The following PLXNA4 variants were observed in gnomAD, a reference collection of about 807,000 sequenced individuals.
PLXNA4 encodes the protein plexin-A4.
In PLXNA4, 44 loss-of-function variants were observed where a neutral mutation model predicts 191.8. The ratio of observed to expected loss-of-function variants is 0.23; its 90% confidence interval spans 0.18 to 0.29. The LOEUF (loss-of-function observed/expected upper bound fraction) is 0.29, where lower values mean the gene tolerates loss of function less well. PLXNA4 is among the 10% of genes least tolerant of loss of function. The pLI is 1.00. For synonymous variants in PLXNA4, 1,082 were observed against 1,009.5 expected, an observed-to-expected ratio of 1.07 and a Z score of -1.36; for missense variants, 1,800 against 2,488.8, an observed-to-expected ratio of 0.72 and a Z score of 5.89.
intron 2 of PLXNA4, among the ~76,000 whole-genome samples, chr7:132,587,768 C>A (rs560509124): frequency 6.6e-6 from 1 of 151,998 alleles, no homozygotes; most frequent in South Asian, 2.1e-4. Context: ...TAAACCCTGC[C>A]TCTCCCCACT....
chr7:132,203,892 G>A (rs1280287760), intron 10 of PLXNA4, among the ~76,000 whole-genome samples: 1 of 152,182 alleles, frequency 6.6e-6, no homozygotes, highest in Non-Finnish European at 1.5e-5. Flanking sequence ...CAGGGTAGGT[G>A]GATGCTTTAC....
At chr7:132,161,156 G>C (rs1186430390) in intron 24 of PLXNA4, among the ~76,000 whole-genome samples, 2 of 152,184 alleles carry the variant, frequency 1.3e-5, no homozygotes, top group Non-Finnish European at 2.9e-5. Flanking sequence ...GGCCCTGGTG[G>C]GGCAGCTCAG....
chr7:132,578,041 A>C (rs1417173579), upstream of PLXNA4, among the ~76,000 whole-genome samples: 3 of 152,072 alleles, frequency 2.0e-5, no homozygotes, highest in African/African-American at 7.2e-5. Flanking sequence ...CCTAGACTAC[A>C]TCCAGAACAG....
intron 29 of PLXNA4, among the ~76,000 whole-genome samples, chr7:132,141,264 T>C (rs1437738201): frequency 1.3e-5 from 2 of 152,228 alleles, no homozygotes; most frequent in African/African-American, 2.4e-5. Flanking sequence ...TGCCATCTAC[T>C]GTATGACTTG....
intron 3 of PLXNA4, among the ~76,000 whole-genome samples, chr7:132,441,035 G>GA (rs1317314261): frequency 6.6e-6 from 1 of 152,122 alleles, no homozygotes; most frequent in African/African-American, 2.4e-5. Flanking sequence ...TTTTACATAT[G>GA]AAAAAACCAA....
chr7:132,435,300 G>T (rs972177912), intron 3 of PLXNA4, among the ~76,000 whole-genome samples: 13 of 152,094 alleles, frequency 8.5e-5, no homozygotes, highest in Non-Finnish European at 1.9e-4. Context: ...TAACCAAGGT[G>T]GGGAGGGGGG....
intron 3 of PLXNA4, among the ~76,000 whole-genome samples, chr7:132,334,030 G>C (rs981733319): frequency 2.0e-5 from 3 of 152,098 alleles, no homozygotes; most frequent in African/African-American, 7.2e-5. Flanking sequence ...TATTAAATGT[G>C]TTTAATAATT....
intron 1 of PLXNA4, among the ~76,000 whole-genome samples, chr7:132,527,689 C>T (rs935935552): frequency 1.3e-5 from 2 of 152,160 alleles, no homozygotes; most frequent in African/African-American, 4.8e-5. Context: ...AACCTGTATT[C>T]CCAGCTGAAT....
At position 132,606,428 on chromosome 7, in the gene PLXNA4, G is replaced by A. The variant is rs1370458566; in HGVS notation, c.-87+39500C>T. Among the ~76,000 whole-genome samples the A allele has an allele frequency of 2.0e-5, 3 of 152,294 alleles. No individual in the cohort carries two copies. The East Asian group carries it at 5.8e-4, about 29-fold the overall frequency. ...TTGAGCAGGTTAGGGTAACAAAAGG[G>A]AAACCAACCAAGGTCACTGGGTCAC... On this transcript the variant is annotated intron_variant, in intron 2 of 4. Coordinates refer to the PLXNA4 transcript ENST00000378539.
intron 1 of PLXNA4, among the ~76,000 whole-genome samples, chr7:132,550,127 C>T (rs183600810): frequency 6.6e-6 from 1 of 152,232 alleles, no homozygotes; most frequent in Admixed American, 6.5e-5. Context: ...GTAAGGTTTA[C>T]CCTGAAGGAA....
intron 3 of PLXNA4, among the ~76,000 whole-genome samples, chr7:132,431,445 T>C (rs1327789940): frequency 1.3e-5 from 2 of 152,136 alleles, no homozygotes; most frequent in Admixed American, 1.3e-4. Context: ...TGCAGTCCCA[T>C]GTGGGGACCT....
chr7:132,547,857 C>A (rs1800376641), intron 1 of PLXNA4, among the ~76,000 whole-genome samples: 2 of 152,146 alleles, frequency 1.3e-5, no homozygotes, highest in African/African-American at 4.8e-5. Context: ...TGCAAAAGAG[C>A]CCTGGGGATG....
intron 3 of PLXNA4, among the ~76,000 whole-genome samples, chr7:132,339,395 T>C (rs954426229): frequency 1.3e-5 from 2 of 152,212 alleles, no homozygotes; most frequent in African/African-American, 2.4e-5. Context: ...AAATAAATCT[T>C]GCAACTTAAA....
In PLXNA4 at chr7:132,146,719, C is replaced by A. The variant is rs1175952902; in HGVS notation, c.4865-19G>T. 1.9e-6 allele frequency: 3 copies of A among 1,612,316 alleles called. No individual in the cohort carries two copies. Among genetic ancestry groups the A allele is most frequent in the East Asian group, 2.2e-5 (1 of 44,726 alleles). ...ATGTTTTCTGCCAAGGCAAGGATCA[C>A]CCCCCGACATATGTGAGGCCACACA... On this transcript the variant is annotated intron_variant, in intron 27 of 31. Transcript: ENST00000321063.
At chr7:132,599,682 C>CT (rs1802780593) in intron 2 of PLXNA4, among the ~76,000 whole-genome samples, 1 of 151,848 alleles carries the variant, frequency 6.6e-6, no homozygotes, top group African/African-American at 2.4e-5. Flanking sequence ...AGACTTCTCC[C>CT]CCTTTTTTTT....
chr7:132,348,961 G>C (rs78845586), intron 3 of PLXNA4, among the ~76,000 whole-genome samples: 2 of 152,062 alleles, frequency 1.3e-5, no homozygotes, highest in Non-Finnish European at 2.9e-5. Flanking sequence ...ACTCCTAATG[G>C]GGGCAGCGTC....
At chr7:132,224,888 A>G (rs1798264178) in intron 8 of PLXNA4, among the ~76,000 whole-genome samples, 1 of 152,228 alleles carries the variant, frequency 6.6e-6, no homozygotes, top group Non-Finnish European at 1.5e-5. Flanking sequence ...ATCTCTGGTC[A>G]TGTCAGCTAC....
At chr7:132,186,120 G>C (rs915073712) in intron 15 of PLXNA4, among the ~76,000 whole-genome samples, 4 of 152,214 alleles carry the variant, frequency 2.6e-5, no homozygotes, top group African/African-American at 9.6e-5. Flanking sequence ...TCTCTCTAGA[G>C]AATCTCAGGC....
At chr7:132,188,973 GGAAAGGAAAGGAAAGGAAA>G (rs1796972891) in intron 14 of PLXNA4, among the ~76,000 whole-genome samples, 1 of 57,406 alleles carries the variant, frequency 1.7e-5, no homozygotes, top group South Asian at 1.4e-3. Flanking sequence ...GGAAAGGAAA[GGAAAGGAAAGGAAAGGAAA>G]GGAGAGAGAG....
Sources: allele counts gnomAD v4.1 joint callset (sites outside exome capture counted in the v4.1 genomes callset), GRCh38; gene constraint gnomAD v4.1.1; transcripts MANE v1.5; gene names NCBI Gene and HGNC (gene_info 2026-07-23, HGNC 2026-07-21).